The following SIK2 variants were observed in gnomAD, a reference collection of about 807,000 sequenced individuals.
SIK2 encodes salt inducible kinase 2, also known as serine/threonine-protein kinase SIK2.
In SIK2, 29 loss-of-function variants were observed where a neutral mutation model predicts 103.2. That is an observed-to-expected ratio of 0.28 (90% confidence interval 0.21 to 0.38). The LOEUF (loss-of-function observed/expected upper bound fraction) is 0.38, where lower values mean the gene tolerates loss of function less well. Among genes scored for constraint, SIK2 ranks in the 10% least tolerant of loss-of-function variants. The probability of loss-of-function intolerance (pLI) is 1.00; values close to 1 mark genes in which losing one functional copy is unlikely to be tolerated. For missense variants in SIK2, 879 were observed against 1,171.0 expected, an observed-to-expected ratio of 0.75 and a Z score of 3.64; for synonymous variants, 412 against 446.1, an observed-to-expected ratio of 0.92 and a Z score of 0.96.
intron 3 of SIK2, among the ~76,000 whole-genome samples, chr11:111,664,269 A>G (rs1198683720): frequency 6.6e-6 from 1 of 152,172 alleles, no homozygotes; most frequent in African/African-American, 2.4e-5. Context: ...CCAAAGGGAA[A>G]GATTGGGGCA....
At chr11:111,676,931 ATAT>A (rs901156481) in intron 3 of SIK2, among the ~76,000 whole-genome samples, 3 of 152,210 alleles carry the variant, frequency 2.0e-5, no homozygotes, top group African/African-American at 7.2e-5. Flanking sequence ...GCATTTATAA[ATAT>A]TATTATAACA....
intron 3 of SIK2, among the ~76,000 whole-genome samples, chr11:111,629,451 T>C (rs1372626693): frequency 6.6e-6 from 1 of 152,194 alleles, no homozygotes; most frequent in African/African-American, 2.4e-5. Flanking sequence ...AAAGCAAACA[T>C]GATTGAAGAA....
chr11:111,725,635 T>C lies in SIK2; in HGVS notation c.*1506T>C, dbSNP rs1446626944. 6.5e-6 allele frequency: 1 copy of C among 152,692 alleles called. No individual in the cohort carries two copies. The highest frequency in any genetic ancestry group is 1.5e-5 in the Non-Finnish European group (1 of 68,048). 9.5% of individuals were successfully genotyped at this position (152,692 alleles called of 1,614,324 possible). ...TGTGTTAAGCACAAAGCATCTTCCT[T>C]AAAGCACAAAGAGAGGGACTAACTG... is the stretch of plus-strand genomic sequence containing the variant. On this transcript the variant is annotated 3_prime_UTR_variant, in exon 15 of 15. Transcript: ENST00000304987.
intron 4 of SIK2, among the ~76,000 whole-genome samples, chr11:111,698,722 G>GA (rs1257202975): frequency 2.0e-5 from 3 of 152,160 alleles, no homozygotes; most frequent in Non-Finnish European, 2.9e-5. Flanking sequence ...AAAAAGAAAA[G>GA]AAAGAAAGAA....
In SIK2 at chr11:111,720,626, G is replaced by A. The variant is rs763697358; in HGVS notation, c.1644G>A (p.Met548Ile). 2 of 1,614,058 alleles carry A rather than the reference G, an allele frequency of 1.2e-6. No homozygotes were observed. Among genetic ancestry groups the A allele is most frequent in the African/African-American group, 1.3e-5 (1 of 74,990 alleles). The change falls in exon 11 of 15, where the codon ATG (methionine) becomes ATA (isoleucine). Residue 548 changes from methionine (M) to isoleucine (I), a missense_variant. Met to Ile is a conservative substitution (Grantham distance 10). Transcript: ENST00000304987. ...TAGCCAATCAGCCTTCACCCCGCAT[G>A]ACATCTCCCTTCATAAGCCTGAGAC... is the stretch of plus-strand genomic sequence containing the variant. Reference protein sequence around the residue: ...IMLANQPSPRMTSPFISLRPT... With the variant: ...IMLANQPSPRITSPFISLRPT...
At chr11:111,614,750 T>C (rs1286868652) in intron 1 of SIK2, among the ~76,000 whole-genome samples, 1 of 152,210 alleles carries the variant, frequency 6.6e-6, no homozygotes, top group Non-Finnish European at 1.5e-5. Flanking sequence ...AACAGGAGAC[T>C]GTGGGAATTA....
chr11:111,639,480 A>AT (rs1255042804), intron 3 of SIK2, among the ~76,000 whole-genome samples: 5 of 152,122 alleles, frequency 3.3e-5, no homozygotes, highest in Admixed American at 6.5e-5. Flanking sequence ...ACCTGATTTT[A>AT]TTTTTGCCAG....
intron 1 of SIK2, among the ~76,000 whole-genome samples, chr11:111,608,223 C>G (rs929801818): frequency 6.6e-6 from 1 of 151,920 alleles, no homozygotes; most frequent in South Asian, 2.1e-4. Flanking sequence ...ATTAGAAGAT[C>G]GAAAGATAAA....
chr11:111,604,767 C>T (rs1198159750), intron 1 of SIK2, among the ~76,000 whole-genome samples: 1 of 152,102 alleles, frequency 6.6e-6, no homozygotes, highest in African/African-American at 2.4e-5. Flanking sequence ...ACCCATTTCC[C>T]TGTGCTTTTC....
Position 111,724,250 on chromosome 11 carries a change from C to T in SIK2, c.*121C>T. On this transcript the variant is annotated 3_prime_UTR_variant, in exon 15 of 15. Coordinates refer to ENST00000304987, the MANE Select transcript of SIK2 (RefSeq NM_015191.3). ...TCTCCCTAACGGGGAGAAATCGAGC[C>T]ACCCAACTGGAATCAGAGGGTCTGG... is the stretch of plus-strand genomic sequence containing the variant. 1 of 1,365,040 alleles carries T rather than the reference C, an allele frequency of 7.3e-7. No homozygotes were observed. Among genetic ancestry groups the T allele is most frequent in the Non-Finnish European group, 9.7e-7 (1 of 1,028,252 alleles). The allele number at this position is 1,365,040 out of a possible 1,614,324, so 84.6% of individuals were successfully genotyped here. A position where few individuals can be genotyped will look rare whatever the true frequency, so the allele number is the denominator to read the frequency against.
chr11:111,626,962 C>T (rs1269616101), intron 3 of SIK2, among the ~76,000 whole-genome samples: 2 of 151,884 alleles, frequency 1.3e-5, no homozygotes, highest in African/African-American at 4.8e-5. Context: ...GGCATTATGC[C>T]AAGAGTTGAA....
chr11:111,698,633 G>A (rs1484378660), intron 4 of SIK2, among the ~76,000 whole-genome samples: 1 of 152,122 alleles, frequency 6.6e-6, no homozygotes, highest in Non-Finnish European at 1.5e-5. Flanking sequence ...TACTCAGGAG[G>A]TTGAGGTGCG....
Position 111,705,267 on chromosome 11 carries a change from TG to T in SIK2, c.1101+129del, listed in dbSNP as rs1943317649. On this transcript the variant is annotated intron_variant, in intron 8 of 14. Coordinates refer to ENST00000304987, the MANE Select transcript of SIK2 (RefSeq NM_015191.3). This position sits in a 1 kb window ranked among gnomAD's most constrained non-coding sequence, Gnocchi z 4.3. Reference sequence around the variant, plus strand: ...TCCGTTTTTCTGTAAAATTTCTGCCTGCCATTCACTAGATTCTCAAATGTTT... The same window carrying T: ...TCCGTTTTTCTGTAAAATTTCTGCCTCCATTCACTAGATTCTCAAATGTTT... 4 of 931,352 alleles carry T rather than the reference TG, an allele frequency of 4.3e-6. No homozygotes were observed. The highest frequency in any genetic ancestry group is 4.4e-6 in the Non-Finnish European group (3 of 687,756). The allele number at this position is 931,352 out of a possible 1,614,324, so 57.7% of individuals were successfully genotyped here.
chr11:111,617,166 A>ATTGTTTTTCATTGTTTTTTG (rs1941818225), intron 2 of SIK2, among the ~76,000 whole-genome samples: 1 of 151,490 alleles, frequency 6.6e-6, no homozygotes, highest in Non-Finnish European at 1.5e-5. Context: ...ATTGTTTTTT[A>ATTGTTTTTCATTGTTTTTTG]TAGCTTTAGG....
At chr11:111,610,923 T>C (rs1941715137) in intron 1 of SIK2, among the ~76,000 whole-genome samples, 1 of 152,212 alleles carries the variant, frequency 6.6e-6, no homozygotes, top group South Asian at 2.1e-4. Context: ...TGCACTGATA[T>C]CTCAGTTTTC....
intron 3 of SIK2, among the ~76,000 whole-genome samples, chr11:111,641,351 A>C (rs1942180637): frequency 6.6e-6 from 1 of 152,192 alleles, no homozygotes; most frequent in African/African-American, 2.4e-5. Flanking sequence ...CAAACTGGGC[A>C]CATTACCTTC....
At position 111,728,142 on chromosome 11, in the gene SIK2, C is replaced by G. The variant is rs1944037040; in HGVS notation, c.*4013C>G. ...CTCAAACTCCTAAACTGGGCTGCCT[C>G]TAACTGCCTCCTGGGAAGCCACCCG... is the stretch of plus-strand genomic sequence containing the variant. On this transcript the variant is annotated 3_prime_UTR_variant, in exon 15 of 15. Transcript: ENST00000304987. 6.6e-6 allele frequency: 1 copy of G among 152,130 alleles called. No homozygotes were observed. The highest frequency in any genetic ancestry group is 1.5e-5 in the Non-Finnish European group (1 of 68,034). The allele number at this position is 152,130 out of a possible 1,614,324, so 9.4% of individuals were successfully genotyped here. A position where few individuals can be genotyped will look rare whatever the true frequency, so the allele number is the denominator to read the frequency against.
intron 3 of SIK2, among the ~76,000 whole-genome samples, chr11:111,653,295 T>C (rs764822461): frequency 4.6e-5 from 7 of 152,242 alleles, no homozygotes; most frequent in Non-Finnish European, 7.3e-5. Context: ...ATTATAGAAA[T>C]AACTTCAGAC....
chr11:111,669,239 T>C (rs1942591128), intron 3 of SIK2, among the ~76,000 whole-genome samples: 1 of 152,194 alleles, frequency 6.6e-6, no homozygotes, highest in Non-Finnish European at 1.5e-5. Context: ...TGTGTGAGCA[T>C]GCTAGAGGAA....
Sources: allele counts gnomAD v4.1 joint callset (sites outside exome capture counted in the v4.1 genomes callset), GRCh38; gene constraint gnomAD v4.1.1; non-coding constraint Gnocchi (gnomAD v3.1); transcripts MANE v1.5; gene names NCBI Gene and HGNC (gene_info 2026-07-23, HGNC 2026-07-21).